The following ZNF608 variants were observed in gnomAD, a reference collection of about 807,000 sequenced individuals.
ZNF608 encodes the protein renal carcinoma antigen NY-REN-36.
A neutral mutation model predicts 109.0 loss-of-function variants in ZNF608; 12 were observed. The observed-to-expected ratio is 0.11, with a 90% CI of 0.07 to 0.18. The LOEUF (loss-of-function observed/expected upper bound fraction) is 0.18. ZNF608 is among the 10% of genes least tolerant of loss of function. The pLI, the probability that ZNF608 is intolerant of heterozygous loss-of-function variation, is 1.00. For missense variants in ZNF608, 1,707 were observed against 1,879.3 expected (o/e 0.91, Z 1.70); for synonymous variants, 732 against 717.4 (o/e 1.02, Z -0.33).
intron 3 of ZNF608, among the ~76,000 whole-genome samples, chr5:124,692,063 G>A (rs997636704): frequency 1.3e-5 from 2 of 151,976 alleles, no homozygotes; most frequent in Admixed American, 6.6e-5. Context: ...AATAAAAACC[G>A]TATTGAGGAT....
chr5:124,657,291 T>G (rs1751053160), intron 3 of ZNF608, among the ~76,000 whole-genome samples: 1 of 152,140 alleles, frequency 6.6e-6, no homozygotes, highest in Non-Finnish European at 1.5e-5. Flanking sequence ...TGACGATATT[T>G]TCACTGACCA....
chr5:124,703,173 G>C (rs1240453264), intron 2 of ZNF608, among the ~76,000 whole-genome samples: 1 of 151,316 alleles, frequency 6.6e-6, no homozygotes, highest in Non-Finnish European at 1.5e-5. Context: ...TGTATAAATT[G>C]AAAAGAAAAA....
At chr5:124,725,567 T>A (rs577492342) in intron 2 of ZNF608, among the ~76,000 whole-genome samples, 197 of 152,242 alleles carry the variant, frequency 1.3e-3, no homozygotes, top group African/African-American at 4.6e-3. Context: ...GCTTCTAAAC[T>A]GTAGGAGGAG....
intron 3 of ZNF608, 106 bp downstream of exon 3, chr5:124,700,908 T>C: frequency 6.9e-7 from 1 of 1,451,100 alleles, no homozygotes; most frequent in Non-Finnish European, 9.3e-7. Context: ...AAAAACACTT[T>C]CCATTCCTCT....
rs10666145 is a variant in ZNF608 at position 124,690,954 on chromosome 5, C to CACACACACACACACAA, written c.1162+10059_1162+10060insTTGTGTGTGTGTGTGT. Among the ~76,000 whole-genome samples the CACACACACACACACAA allele has an allele frequency of 3.8e-3, 570 of 150,824 alleles. 2 individuals carry two copies. The highest frequency in any genetic ancestry group is 0.013 in the African/African-American group (535 of 40,590). ...ACACACACACACACACACACACACA[C>CACACACACACACACAA]ATAATGGAAAAGTGTGCAAAATTTT... On this transcript the variant is annotated intron_variant, in intron 3 of 9. Coordinates refer to ENST00000513986, the MANE Select transcript of ZNF608 (RefSeq NM_020747.3).
intron 2 of ZNF608, among the ~76,000 whole-genome samples, chr5:124,713,166 T>A (rs1225493499): frequency 6.6e-6 from 1 of 152,224 alleles, no homozygotes; most frequent in Non-Finnish European, 1.5e-5. Flanking sequence ...TCTCTCTTAC[T>A]ACTCTTCTAT....
rs1750404552 is a variant in ZNF608, at chr5:124,644,501, G to T, written c.3866C>A (p.Thr1289Lys). The T allele has an allele frequency of 1.2e-6, 2 of 1,614,026 alleles. No individual in the cohort carries two copies. The highest frequency in any genetic ancestry group is 2.7e-5 in the African/African-American group (2 of 74,922). ...SGVPSLPVSL[T>K]SIKEEPKEAK... ...CTCTTTGGGCTCCTCTTTAATGCTTGTTAACGATACAGGAAGGCTGGGCAC... is the reference window on the plus strand; with the variant it reads ...CTCTTTGGGCTCCTCTTTAATGCTTTTTAACGATACAGGAAGGCTGGGCAC... Residue 1289 changes from threonine to lysine, a missense_variant, in exon 6 of 10, where the codon ACA becomes AAA. This residue lies in a region of ZNF608 where 1,073 missense variants were observed against 1,133.5 expected (regional missense o/e 0.95). Coordinates refer to ENST00000513986, the MANE Select transcript of ZNF608 (RefSeq NM_020747.3).
intron 2 of ZNF608, among the ~76,000 whole-genome samples, chr5:124,718,960 G>A (rs1236601975): frequency 6.6e-6 from 1 of 152,076 alleles, no homozygotes; most frequent in Non-Finnish European, 1.5e-5. Flanking sequence ...CAGAAATTTT[G>A]TAAAATCTCA....
rs771896660 is a variant in ZNF608 at position 124,647,807 on chromosome 5, G to A, written c.2577C>T (p.Asn859=). 8 of 1,614,106 alleles carry A rather than the reference G, an allele frequency of 5.0e-6. No individual in the cohort carries two copies. In the African/African-American group the frequency reaches 8.0e-5, roughly 16 times the overall value. ...LPGHFLKDHL[N]KNEGLANGLS... ...GTCCATTTGCCAGCCCTTCATTCTT[G>A]TTGAGATGATCCTTTAAAAAATGCC... Residue 859 remains asparagine (N), a synonymous_variant, in exon 5 of 10, where the codon AAC becomes AAT. Transcript: ENST00000513986.
intron 2 of ZNF608, among the ~76,000 whole-genome samples, chr5:124,705,384 C>T (rs546384240): frequency 6.6e-6 from 1 of 152,298 alleles, no homozygotes; most frequent in Non-Finnish European, 1.5e-5. Flanking sequence ...TTCTCTAAGA[C>T]TCAGTGTCTA....
At chr5:124,638,605 C>T (rs1003909462) in intron 9 of ZNF608, among the ~76,000 whole-genome samples, 2 of 152,104 alleles carry the variant, frequency 1.3e-5, no homozygotes, top group Non-Finnish European at 2.9e-5. Context: ...GACCGATAGT[C>T]TTATTTTAAT....
intron 3 of ZNF608, among the ~76,000 whole-genome samples, chr5:124,693,770 T>C (rs1752710680): frequency 6.6e-6 from 1 of 152,112 alleles, no homozygotes; most frequent in African/African-American, 2.4e-5. Context: ...TTTGGCTGCA[T>C]TCCCTCATCG....
chr5:124,704,778 G>A lies in ZNF608; in HGVS notation c.907-3509C>T, dbSNP rs546400533. On this transcript the variant is annotated intron_variant, in intron 2 of 9. Transcript: ENST00000513986. Reference sequence around the variant, plus strand: ...GCTGGAGTTTGTGCTTCCACCCTCTGCCTGAAACAATCACAGAATGTCGCC... The same window carrying A: ...GCTGGAGTTTGTGCTTCCACCCTCTACCTGAAACAATCACAGAATGTCGCC... Among the ~76,000 whole-genome samples, 4 of 152,132 alleles carry A rather than the reference G, an allele frequency of 2.6e-5. No individual in the cohort carries two copies. In the East Asian group the frequency reaches 7.8e-4, roughly 30 times the overall value.
intron 3 of ZNF608, among the ~76,000 whole-genome samples, chr5:124,678,554 G>A (rs1439255587): frequency 6.6e-6 from 1 of 152,238 alleles, no homozygotes; most frequent in East Asian, 1.9e-4. Flanking sequence ...ACAATGGGCT[G>A]CCATTCCGTT....
upstream of ZNF608, among the ~76,000 whole-genome samples, chr5:124,747,733 G>A (rs1013296472): frequency 3.0e-4 from 46 of 151,992 alleles, no homozygotes; most frequent in African/African-American, 1.1e-3. Context: ...GAAATGTAAT[G>A]AGCACAAGAG....
rs2149784819 is a variant in ZNF608, at chr5:124,644,299, G to T, written c.4068C>A (p.Asp1356Glu). Reference protein sequence around the residue: ...LHAYPYPQMYDPSHPAYRAVS... With the variant: ...LHAYPYPQMYEPSHPAYRAVS... ...CAGCCCGGTATGCAGGATGGCTGGG[G>T]TCGTACATCTGTGGGTAAGGATAAG... The change falls in exon 6 of 10, where the codon GAC becomes GAA. Residue 1356 changes from aspartate (D) to glutamate (E), a missense_variant. By Grantham distance (45) the Asp-to-Glu change is conservative (BLOSUM62 2). Transcript: ENST00000513986. 6.2e-7 allele frequency: 1 copy of T among 1,613,986 alleles called. No homozygotes were observed. Among genetic ancestry groups the T allele is most frequent in the East Asian group, 2.2e-5 (1 of 44,878 alleles).
At chr5:124,652,717 A>C (rs1750846148) in intron 3 of ZNF608, among the ~76,000 whole-genome samples, 1 of 152,256 alleles carries the variant, frequency 6.6e-6, no homozygotes, top group African/African-American at 2.4e-5. Flanking sequence ...TAAAACTTGT[A>C]AATGATTTAT....
rs1438935282 is a variant in ZNF608 at position 124,647,423 on chromosome 5, A to G, written c.2961T>C (p.Ser987=). The part of the protein sequence containing the change: ...KGHSSTTAQS[S]QLKESHSPYY... ...AGGGAGAATGGGACTCTTTCAGTTG[A>G]GATGATTGTGCTGTAGTTGAAGAAT... The change falls in exon 5 of 10, where the codon TCT becomes TCC. Residue 987 remains serine (S), a synonymous_variant. Coordinates refer to ENST00000513986, the MANE Select transcript of ZNF608 (RefSeq NM_020747.3). 6.2e-7 allele frequency: 1 copy of G among 1,614,224 alleles called. No homozygotes were observed.
At position 124,675,275 on chromosome 5, in the gene ZNF608, A is replaced by C. The variant is rs150659524; in HGVS notation, c.1163-25578T>G. On this transcript the variant is annotated intron_variant, in intron 3 of 9. Transcript: ENST00000513986. The stretch of plus-strand genomic sequence containing the variant: ...GTTTCCAGTACATGTTAGCTAAGTG[A>C]CAAATCATTCAAACGTGTGCAAATT... 2.0e-5 allele frequency among the ~76,000 whole-genome samples: 3 copies of C among 152,362 alleles called. No homozygotes were observed. The East Asian group carries it at 5.8e-4, about 29-fold the overall frequency.
Sources: allele counts gnomAD v4.1 joint callset (sites outside exome capture counted in the v4.1 genomes callset), GRCh38; gene constraint gnomAD v4.1.1; regional missense constraint gnomAD v4.1.1; transcripts MANE v1.5; gene names NCBI Gene and HGNC (gene_info 2026-07-23, HGNC 2026-07-21).